DCP2: variants seen among roughly 807,000 people sequenced by gnomAD.
The protein encoded by DCP2 is decapping mRNA 2, also known as m7GpppN-mRNA hydrolase.
A neutral mutation model predicts 56.1 loss-of-function variants in DCP2; 30 were observed. The ratio of observed to expected loss-of-function variants is 0.53; its 90% CI spans 0.40 to 0.73. The LOEUF (loss-of-function observed/expected upper bound fraction) is 0.73. Ranked by LOEUF, DCP2 falls within the 30% of genes least tolerant of loss-of-function variation. DCP2 has a pLI of 0.00. For missense variants in DCP2, 533 were observed against 502.7 expected (o/e 1.06, Z -0.58); for synonymous variants, 197 against 163.3 (o/e 1.21, Z -1.57).
In DCP2 at chr5:113,016,070, A is replaced by C. The variant is rs1053236279; in HGVS notation, c.*2586A>C. 6.6e-6 allele frequency: 1 copy of C among 152,658 alleles called. No homozygotes were observed. Among genetic ancestry groups the C allele is most frequent in the Non-Finnish European group, 1.5e-5 (1 of 68,026 alleles). The allele number at this position is 152,658 out of a possible 1,614,324, so 9.5% of individuals were successfully genotyped here. A position where few individuals can be genotyped will look rare whatever the true frequency, so the allele number is the denominator to read the frequency against. ...CCTTATATGTTCCAAGGTGCAGTGC[A>C]CTGTGAATCTTTTATTTTTAAAAAA... On this transcript the variant is annotated 3_prime_UTR_variant, in exon 11 of 11. Transcript: ENST00000389063.
chr5:113,006,668 A>G (rs1749451963), intron 8 of DCP2, among the ~76,000 whole-genome samples: 1 of 152,088 alleles, frequency 6.6e-6, no homozygotes, highest in South Asian at 2.1e-4. Context: ...TATTTTAGCC[A>G]GTCCTCAAAT....
intron 2 of DCP2, among the ~76,000 whole-genome samples, chr5:112,988,526 C>T (rs946654571): frequency 1.4e-5 from 2 of 144,724 alleles, no homozygotes; most frequent in Non-Finnish European, 3.0e-5. Flanking sequence ...AAATGGTATC[C>T]AAGATTTATT....
At chr5:112,983,426 A>G (rs1748103201) in intron 1 of DCP2, among the ~76,000 whole-genome samples, 1 of 152,214 alleles carries the variant, frequency 6.6e-6, no homozygotes, top group Non-Finnish European at 1.5e-5. Context: ...AAAAAAATAG[A>G]GACGGGGTCT....
At position 113,020,052 on chromosome 5, in the gene DCP2, C is replaced by T. The variant is rs1023853175; in HGVS notation, c.*6568C>T. The T allele has an allele frequency of 6.6e-5, 10 of 152,162 alleles. No homozygotes were observed. Among genetic ancestry groups the T allele is most frequent in the African/African-American group, 2.4e-4 (10 of 41,444 alleles). The allele number at this position is 152,162 out of a possible 1,614,324, so 9.4% of individuals were successfully genotyped here. On this transcript the variant is annotated 3_prime_UTR_variant, in exon 11 of 11. Transcript: ENST00000389063. Reference sequence around the variant, plus strand: ...GCTTTAAAGATGTTAATGGAGGATACATAGTCTTAAAACAATTTGTTTGGG... The same window carrying T: ...GCTTTAAAGATGTTAATGGAGGATATATAGTCTTAAAACAATTTGTTTGGG...
At chr5:112,989,650 T>G (rs975170505) in intron 2 of DCP2, among the ~76,000 whole-genome samples, 9 of 152,156 alleles carry the variant, frequency 5.9e-5, no homozygotes, top group African/African-American at 1.9e-4. Context: ...GGAAAAAACT[T>G]TCGGAGATGG....
chr5:112,983,524 A>G (rs1445385227), intron 1 of DCP2, among the ~76,000 whole-genome samples: 1 of 152,242 alleles, frequency 6.6e-6, no homozygotes, highest in African/African-American at 2.4e-5. Flanking sequence ...AAGGCAGTAT[A>G]GAAACATAAA....
rs1750020025 is a variant in DCP2 at position 113,019,472 on chromosome 5, T to C, written c.*5988T>C. The C allele has an allele frequency of 6.6e-6, 1 of 152,116 alleles. No individual in the cohort carries two copies. The highest frequency in any genetic ancestry group is 1.5e-5 in the Non-Finnish European group (1 of 68,030). The allele number at this position is 152,116 out of a possible 1,614,324, so 9.4% of individuals were successfully genotyped here. ...TGCTGTCTCTTTGGTTCCTTTTAGGTTTGTGTTAGGATGTTGCACAAGTAA... is the reference window on the plus strand; with the variant it reads ...TGCTGTCTCTTTGGTTCCTTTTAGGCTTGTGTTAGGATGTTGCACAAGTAA... On this transcript the variant is annotated 3_prime_UTR_variant, in exon 11 of 11. Coordinates refer to ENST00000389063, the MANE Select transcript of DCP2 (RefSeq NM_152624.6).
Position 113,003,956 on chromosome 5 carries a change from G to A in DCP2, c.821G>A (p.Arg274His), listed in dbSNP as rs773419110. Residue 274 changes from arginine to histidine, a missense_variant, in exon 8 of 11, where the codon CGC becomes CAC. Physicochemically the swap from Arg to His is conservative, Grantham distance 29. Around this residue, in one of 3 missense-constraint regions of DCP2, gnomAD observed 392 missense variants for 346.6 expected, o/e 1.13. Transcript: ENST00000389063. ...TVEKLSRTKF[R>H]HSQQLFPDGS... The stretch of plus-strand genomic sequence containing the variant: ...TCTTGGTGTAGTCGAACCAAATTCC[G>A]CCACAGTCAGCAGTTATTTCCTGAC... 8.7e-6 allele frequency: 14 copies of A among 1,613,922 alleles called. No individual in the cohort carries two copies. The highest frequency in any genetic ancestry group is 2.2e-5 in the East Asian group (1 of 44,880).
intron 2 of DCP2, among the ~76,000 whole-genome samples, chr5:112,988,534 A>C (rs1243491860): frequency 2.1e-5 from 3 of 146,292 alleles, no homozygotes; most frequent in Non-Finnish European, 3.0e-5. Context: ...TCCAAGATTT[A>C]TTGGTTGGTC....
chr5:112,994,478 C>G (rs1748757814), intron 4 of DCP2, among the ~76,000 whole-genome samples: 1 of 152,058 alleles, frequency 6.6e-6, no homozygotes, highest in African/African-American at 2.4e-5. Context: ...AGCCTTCATT[C>G]TTACTTAAAA....
intron 1 of DCP2, among the ~76,000 whole-genome samples, chr5:112,980,808 T>C (rs1747970770): frequency 6.6e-6 from 1 of 152,160 alleles, no homozygotes; most frequent in Admixed American, 6.5e-5. Flanking sequence ...CTTTTACTTG[T>C]TTTGTTTTGA....
chr5:112,976,970 C>T lies in DCP2; in HGVS notation c.37C>T (p.Leu13=). The T allele has an allele frequency of 6.3e-7, 1 of 1,594,640 alleles. No homozygotes were observed. The highest frequency in any genetic ancestry group is 8.6e-7 in the Non-Finnish European group (1 of 1,165,330). Residue 13 remains leucine, a synonymous_variant, in exon 1 of 11, where the codon CTG becomes TTG. Coordinates refer to ENST00000389063, the MANE Select transcript of DCP2 (RefSeq NM_152624.6). ...TKRVEIPGSV[L]DDLCSRFILH... is the part of the protein sequence containing the mutation. ...ACGGGTGGAGATTCCCGGCAGCGTCCTGGACGATCTCTGCAGGTACCGCGC... is the reference window on the plus strand; with the variant it reads ...ACGGGTGGAGATTCCCGGCAGCGTCTTGGACGATCTCTGCAGGTACCGCGC...
At chr5:113,006,221 G>A (rs923650164) in intron 8 of DCP2, among the ~76,000 whole-genome samples, 78 of 151,898 alleles carry the variant, frequency 5.1e-4, no homozygotes, top group African/African-American at 1.8e-3. Context: ...GATAAATATC[G>A]TATTAATGTT....
Position 113,020,751 on chromosome 5 carries a change from A to G in DCP2, c.*7267A>G, listed in dbSNP as rs1485322396. On this transcript the variant is annotated 3_prime_UTR_variant, in exon 11 of 11. Transcript: ENST00000389063. ...TCTGTACTCTCCACTGAGAAAATGA[A>G]CAAAATCCTATGTCTTAACAGTTAT... 6.6e-6 allele frequency: 1 copy of G among 152,226 alleles called. No individual in the cohort carries two copies. The highest frequency in any genetic ancestry group is 1.5e-5 in the Non-Finnish European group (1 of 68,040). The allele number at this position is 152,226 out of a possible 1,614,324, so 9.4% of individuals were successfully genotyped here. A position where few individuals can be genotyped will look rare whatever the true frequency, so the allele number is the denominator to read the frequency against.
intron 2 of DCP2, among the ~76,000 whole-genome samples, chr5:112,989,330 A>G (rs1380245362): frequency 1.3e-5 from 2 of 152,188 alleles, no homozygotes; most frequent in African/African-American, 4.8e-5. Context: ...GCCTAATTCA[A>G]AGGGTAAGTT....
intron 1 of DCP2, among the ~76,000 whole-genome samples, chr5:112,982,485 G>C (rs1393708340): frequency 6.6e-6 from 1 of 152,124 alleles, no homozygotes; most frequent in African/African-American, 2.4e-5. Context: ...TAATTTCTTT[G>C]AGGGGGTTCA....
At chr5:113,002,426 A>C (rs1749222077) in intron 7 of DCP2, among the ~76,000 whole-genome samples, 1 of 149,432 alleles carries the variant, frequency 6.7e-6, no homozygotes, top group Non-Finnish European at 1.5e-5. Context: ...CGGTCTCAAA[A>C]AAAAAAAAAA....
At chr5:113,007,824 G>A in intron 8 of DCP2, 114 bp from the exon 9 acceptor site, 1 of 829,650 alleles carries the variant, frequency 1.2e-6, no homozygotes, top group Non-Finnish European at 1.8e-6. Context: ...AATTTGGGTA[G>A]GAGAAGCTTT....
chr5:113,013,052 A>T (rs975658677), intron 10 of DCP2, among the ~76,000 whole-genome samples: 1 of 152,212 alleles, frequency 6.6e-6, no homozygotes, highest in African/African-American at 2.4e-5. Context: ...AGGTAAAGTT[A>T]CGCTCATTTT....
Sources: gnomAD v4.1 joint callset for allele counts (sites outside exome capture counted in the v4.1 genomes callset) on GRCh38, gnomAD v4.1.1 for gene constraint, gnomAD v4.1.1 regional missense constraint, MANE v1.5 for transcripts, NCBI Gene and HGNC (gene_info 2026-07-23, HGNC 2026-07-21) for gene names.